Variants in NPSR1 observed in about 807,000 individuals in gnomAD.
NPSR1 encodes neuropeptide S receptor.
NPSR1 carries 48 observed loss-of-function variants against 46.9 expected under a neutral mutation model. The observed-to-expected ratio is 1.02, with a 90% CI of 0.81 to 1.30. The LOEUF is 1.30. Among genes scored for constraint, NPSR1 ranks in the 50% most tolerant of loss-of-function variants. NPSR1 has a pLI of 0.00. For missense variants in NPSR1, 450 were observed against 449.5 expected (o/e 1.00, Z -0.01); for synonymous variants, 176 against 168.1 (o/e 1.05, Z -0.36).
intron 1 of NPSR1, chr7:34,660,026 G>C: frequency 2.3e-6 from 1 of 443,116 alleles, no homozygotes; most frequent in Non-Finnish European, 4.6e-6. Flanking sequence ...AATCTCATTT[G>C]CCATTTTTTG....
At chr7:34,837,788 G>A (rs1790425295) in intron 6 of NPSR1, among the ~76,000 whole-genome samples, 1 of 152,094 alleles carries the variant, frequency 6.6e-6, no homozygotes, top group South Asian at 2.1e-4. Context: ...CAGGGTCTTG[G>A]GTGTGGCTTC....
At chr7:34,762,720 C>T (rs1786235299) in intron 2 of NPSR1, among the ~76,000 whole-genome samples, 1 of 152,170 alleles carries the variant, frequency 6.6e-6, no homozygotes, top group Non-Finnish European at 1.5e-5. Context: ...TTGTTACCCA[C>T]AGTGTCCCTT....
chr7:34,857,238 A>G (rs28682944), intron 8 of NPSR1, among the ~76,000 whole-genome samples: 3,266 of 151,736 alleles, frequency 0.022, 200 homozygotes, highest in African/African-American at 0.072. Flanking sequence ...GCCAAGAGGA[A>G]TTTGGTAGAA....
At chr7:34,860,793 A>G (rs71537652) in intron 8 of NPSR1, among the ~76,000 whole-genome samples, 10,117 of 151,776 alleles carry the variant, frequency 0.067, 511 homozygotes, top group Middle Eastern at 0.19. Flanking sequence ...TTGTAAAAAG[A>G]GTTTTGACCT....
At position 34,684,652 on chromosome 7, in the gene NPSR1, T is replaced by A; in HGVS notation, c.248T>A (p.Met83Lys). 2 of 1,613,400 alleles carry A rather than the reference T, an allele frequency of 1.2e-6. No homozygotes were observed. Among genetic ancestry groups the A allele is most frequent in the Non-Finnish European group, 1.7e-6 (2 of 1,179,690 alleles). ...STWRRKKKSR[M>K]TFFVTQLAIT... ...TGGAGGAGAAAGAAGAAGTCAAGAA[T>A]GACCTTCTTTGTGACTCAGCTGGCC... The change falls in exon 2 of 9, where the codon ATG (methionine) becomes AAG (lysine). Residue 83 changes from methionine (M) to lysine (K), a missense_variant. By Grantham distance (95) the Met-to-Lys change is moderately conservative. Transcript: ENST00000360581.
At chr7:34,814,114 A>G (rs758562389) in intron 4 of NPSR1, among the ~76,000 whole-genome samples, 2 of 152,240 alleles carry the variant, frequency 1.3e-5, no homozygotes, top group African/African-American at 2.4e-5. Flanking sequence ...GCATCGCCTC[A>G]CCTGGGGAGC....
At chr7:34,670,204 T>G (rs778037382) in intron 1 of NPSR1, among the ~76,000 whole-genome samples, 11 of 152,290 alleles carry the variant, frequency 7.2e-5, no homozygotes, top group Middle Eastern at 3.4e-3. Context: ...TGTTTCCCTA[T>G]TAGTTATTAA....
chr7:34,683,021 T>A (rs1235921227), intron 1 of NPSR1, among the ~76,000 whole-genome samples: 2 of 152,152 alleles, frequency 1.3e-5, no homozygotes, highest in African/African-American at 4.8e-5. Flanking sequence ...CCTATCCTCA[T>A]TTCCACAGTT....
At chr7:34,660,290 T>G (rs1791392160) in intron 1 of NPSR1, 1 of 437,310 alleles carries the variant, frequency 2.3e-6, no homozygotes, top group East Asian at 7.0e-5. Flanking sequence ...GAGAGATACG[T>G]GTATTGACTA....
At chr7:34,687,178 G>A (rs1474772241) in intron 2 of NPSR1, among the ~76,000 whole-genome samples, 10 of 150,288 alleles carry the variant, frequency 6.7e-5, no homozygotes, top group Non-Finnish European at 1.2e-4. Context: ...TTTAACAAAG[G>A]AAGTTGCTCC....
At chr7:34,875,435 G>A (rs1024087320) in intron 8 of NPSR1, among the ~76,000 whole-genome samples, 18 of 152,282 alleles carry the variant, frequency 1.2e-4, no homozygotes, top group African/African-American at 4.1e-4. Context: ...TGCTTCCGGC[G>A]CCCTACCTCA....
chr7:34,679,967 A>G (rs183307607), intron 1 of NPSR1, among the ~76,000 whole-genome samples: 1 of 152,244 alleles, frequency 6.6e-6, no homozygotes, highest in Admixed American at 6.5e-5. Flanking sequence ...TCTTATCTAG[A>G]TAATTCATCA....
intron 8 of NPSR1, among the ~76,000 whole-genome samples, chr7:34,862,245 C>T (rs1791206987): frequency 6.6e-6 from 1 of 151,622 alleles, no homozygotes. Context: ...TGGGGGGTGG[C>T]AGTGGGCAGT....
intron 3 of NPSR1, among the ~76,000 whole-genome samples, chr7:34,792,538 TACAC>T (rs539175545): frequency 2.9e-5 from 4 of 136,530 alleles, no homozygotes; most frequent in African/African-American, 1.1e-4. Context: ...TGTACATATA[TACAC>T]ACACACATAT....
At chr7:34,760,652 G>A (rs1318463060) in intron 2 of NPSR1, among the ~76,000 whole-genome samples, 1 of 152,176 alleles carries the variant, frequency 6.6e-6, no homozygotes, top group Non-Finnish European at 1.5e-5. Context: ...TAGAGTTACT[G>A]CAAAGTTACT....
chr7:34,797,628 A>G (rs1003343976), intron 3 of NPSR1, among the ~76,000 whole-genome samples: 2 of 152,228 alleles, frequency 1.3e-5, no homozygotes, highest in African/African-American at 4.8e-5. Context: ...ATAAAAGATG[A>G]AAAATTTTCT....
At chr7:34,798,896 A>C (rs1788328052) in intron 3 of NPSR1, among the ~76,000 whole-genome samples, 1 of 152,020 alleles carries the variant, frequency 6.6e-6, no homozygotes, top group African/African-American at 2.4e-5. Flanking sequence ...AAGATATCTC[A>C]AGAAATATTT....
At chr7:34,707,803 C>T (rs754661156) in intron 2 of NPSR1, among the ~76,000 whole-genome samples, 1 of 152,154 alleles carries the variant, frequency 6.6e-6, no homozygotes, top group African/African-American at 2.4e-5. Context: ...TATTAGTTTG[C>T]TGGGACTGCC....
At chr7:34,719,218 T>C (rs886658371) in intron 2 of NPSR1, 2 of 152,294 alleles carry the variant, frequency 1.3e-5, no homozygotes, top group African/African-American at 4.8e-5. Flanking sequence ...TGTGGAAAAA[T>C]AGAACAGCAA....
Sources: allele counts gnomAD v4.1 joint callset (sites outside exome capture counted in the v4.1 genomes callset), GRCh38; gene constraint gnomAD v4.1.1; transcripts MANE v1.5; gene names NCBI Gene and HGNC (gene_info 2026-07-23, HGNC 2026-07-21).